The following COL8A1 variants were observed in gnomAD, a reference collection of about 807,000 sequenced individuals.
The protein encoded by COL8A1 is collagen type VIII alpha 1 chain, also known as collagen alpha-1(VIII) chain.
In COL8A1, 21 loss-of-function variants were observed where a neutral mutation model predicts 42.7. The observed-to-expected ratio is 0.49, with a 90% CI of 0.35 to 0.71. COL8A1 has a LOEUF of 0.71. COL8A1 is among the 30% of genes least tolerant of loss of function. The probability of loss-of-function intolerance (pLI) is 0.01; values close to 1 mark genes in which losing one functional copy is unlikely to be tolerated. For missense variants in COL8A1, 788 were observed against 962.4 expected (o/e 0.82, Z 2.40); for synonymous variants, 367 against 369.1 (o/e 0.99, Z 0.06).
rs1330017968 is a variant in COL8A1, at chr3:99,734,940, G to C, written c.-128-9957G>C. Among the ~76,000 whole-genome samples the C allele has an allele frequency of 2.7e-5, 4 of 149,588 alleles. No homozygotes were observed. In the South Asian group the frequency reaches 6.5e-4, roughly 24 times the overall value. ...GTGAATGGGAGTTCACTCATGATTT[G>C]GTTCTCTGTTTGTCTGCTGTTGCTG... On this transcript the variant is annotated intron_variant, in intron 1 of 3. Transcript: ENST00000652472.
chr3:99,645,712 A>AG (rs1937629162), intron 1 of COL8A1, among the ~76,000 whole-genome samples: 1 of 151,648 alleles, frequency 6.6e-6, no homozygotes, highest in Non-Finnish European at 1.5e-5. Context: ...AAAAAAAAAA[A>AG]TCCTAATTTA....
Position 99,765,584 on chromosome 3 carries a change from C to A in COL8A1, c.-4+20563C>A, listed in dbSNP as rs537012464. On this transcript the variant is annotated intron_variant, in intron 2 of 3. Transcript: ENST00000652472. ...AACCCTCCCAAATTCGTCCCCAGGC[C>A]TTCTTCAATGTAAAGCTTGGAACAC... 5.9e-5 allele frequency among the ~76,000 whole-genome samples: 9 copies of A among 152,278 alleles called. No homozygotes were observed. The South Asian group carries it at 1.7e-3, about 28-fold the overall frequency.
chr3:99,744,116 G>A (rs1559625097), intron 1 of COL8A1, among the ~76,000 whole-genome samples: 1 of 152,130 alleles, frequency 6.6e-6, no homozygotes, highest in East Asian at 1.9e-4. Flanking sequence ...TTTTTTAGTA[G>A]AGACGGGGTT....
chr3:99,771,658 C>T (rs1941583437), intron 2 of COL8A1, among the ~76,000 whole-genome samples: 1 of 152,178 alleles, frequency 6.6e-6, no homozygotes, highest in African/African-American at 2.4e-5. Flanking sequence ...TAATTCTGTG[C>T]AGCTAAGAAT....
At chr3:99,763,429 C>T (rs1315598140) in intron 2 of COL8A1, among the ~76,000 whole-genome samples, 1 of 152,074 alleles carries the variant, frequency 6.6e-6, no homozygotes, top group East Asian at 1.9e-4. Flanking sequence ...CCTCTGAATC[C>T]ACTCCTGCCT....
At chr3:99,662,508 C>T (rs1056337698) in intron 1 of COL8A1, among the ~76,000 whole-genome samples, 7 of 152,122 alleles carry the variant, frequency 4.6e-5, no homozygotes, top group African/African-American at 1.7e-4. Flanking sequence ...TGAAAAGATG[C>T]TGTACATATG....
chr3:99,708,839 G>T (rs916388339), intron 1 of COL8A1, among the ~76,000 whole-genome samples: 7 of 151,990 alleles, frequency 4.6e-5, no homozygotes, highest in Non-Finnish European at 1.0e-4. Context: ...TTAGACCCGG[G>T]GTGCATACTT....
intron 1 of COL8A1, among the ~76,000 whole-genome samples, chr3:99,660,866 C>A (rs1048155150): frequency 2.0e-5 from 3 of 152,130 alleles, no homozygotes; most frequent in African/African-American, 7.2e-5. Context: ...ACCATAATGT[C>A]ACAGGCTTTT....
intron 1 of COL8A1, among the ~76,000 whole-genome samples, chr3:99,659,969 C>A (rs1171015718): frequency 6.6e-6 from 1 of 152,176 alleles, no homozygotes; most frequent in Admixed American, 6.5e-5. Context: ...TGAATCAAAC[C>A]TTTTAGGTGT....
At chr3:99,704,724 C>A (rs1939631699) in intron 1 of COL8A1, among the ~76,000 whole-genome samples, 1 of 152,174 alleles carries the variant, frequency 6.6e-6, no homozygotes, top group Admixed American at 6.5e-5. Context: ...TGCATTATTA[C>A]ACTTCCAAAG....
At chr3:99,667,497 T>C (rs1176171098) in intron 1 of COL8A1, among the ~76,000 whole-genome samples, 1 of 152,134 alleles carries the variant, frequency 6.6e-6, no homozygotes, top group African/African-American at 2.4e-5. Context: ...CCTTAGAAGA[T>C]CATCTGTCGC....
intron 1 of COL8A1, among the ~76,000 whole-genome samples, chr3:99,658,567 C>A (rs2107298233): frequency 6.6e-6 from 1 of 152,310 alleles, no homozygotes; most frequent in African/African-American, 2.4e-5. Context: ...GTCTGCCTTA[C>A]CAACCAGTCT....
At chr3:99,785,318 T>C (rs1941873112) in intron 2 of COL8A1, among the ~76,000 whole-genome samples, 1 of 152,158 alleles carries the variant, frequency 6.6e-6, no homozygotes, top group East Asian at 1.9e-4. Flanking sequence ...CACTAAGACT[T>C]TTGATGATGA....
chr3:99,687,618 A>G (rs1939103520), intron 1 of COL8A1, among the ~76,000 whole-genome samples: 1 of 152,182 alleles, frequency 6.6e-6, no homozygotes, highest in Non-Finnish European at 1.5e-5. Context: ...TCTTAATATC[A>G]TCCAATTGCT....
At chr3:99,654,321 C>T (rs1192899066) in intron 1 of COL8A1, among the ~76,000 whole-genome samples, 2 of 152,256 alleles carry the variant, frequency 1.3e-5, no homozygotes, top group South Asian at 2.1e-4. Flanking sequence ...CACAGACACA[C>T]CCAGGAACAA....
intron 1 of COL8A1, among the ~76,000 whole-genome samples, chr3:99,659,597 T>G (rs1466172791): frequency 1.1e-4 from 16 of 152,200 alleles, no homozygotes; most frequent in Admixed American, 1.0e-3. Context: ...TAGATATGGC[T>G]GGCTCACAAA....
chr3:99,722,768 C>A (rs1473699992), intron 1 of COL8A1, among the ~76,000 whole-genome samples: 1 of 152,026 alleles, frequency 6.6e-6, no homozygotes, highest in African/African-American at 2.4e-5. Flanking sequence ...TAGGAAGTGA[C>A]CATCACTATC....
At chr3:99,772,815 A>G (rs570433047) in intron 2 of COL8A1, among the ~76,000 whole-genome samples, 66 of 152,262 alleles carry the variant, frequency 4.3e-4, no homozygotes, top group African/African-American at 1.5e-3. Flanking sequence ...GGCCTCCTGG[A>G]GAGGATATTG....
chr3:99,692,607 T>C (rs1939252772), intron 1 of COL8A1, among the ~76,000 whole-genome samples: 1 of 152,236 alleles, frequency 6.6e-6, no homozygotes, highest in East Asian at 1.9e-4. Flanking sequence ...AAGTCAAATG[T>C]GTTCTTCAAT....
Sources: gnomAD v4.1 joint callset for allele counts (sites outside exome capture counted in the v4.1 genomes callset) on GRCh38, gnomAD v4.1.1 for gene constraint, MANE v1.5 for transcripts, NCBI Gene and HGNC (gene_info 2026-07-23, HGNC 2026-07-21) for gene names.